Variants in MITF observed in about 807,000 individuals in gnomAD.
MITF encodes melanocyte inducing transcription factor.
Under a neutral mutation model 60.5 loss-of-function variants are expected in MITF, and 17 were observed. That is an observed-to-expected ratio of 0.28 (90% confidence interval 0.19 to 0.42). The LOEUF (loss-of-function observed/expected upper bound fraction) is 0.42. Among genes scored for constraint, MITF ranks in the 10% least tolerant of loss-of-function variants. MITF has a pLI of 1.00. For synonymous variants in MITF, 260 were observed against 248.5 expected (o/e 1.05, Z -0.43); for missense variants, 622 against 683.5 (o/e 0.91, Z 1.00).
intron 2 of MITF, among the ~76,000 whole-genome samples, chr3:69,908,944 C>T (rs1332232538): frequency 1.3e-5 from 2 of 152,126 alleles, no homozygotes; most frequent in African/African-American, 2.4e-5. Flanking sequence ...TAGAAAATAT[C>T]TTTGATGCTT....
chr3:69,844,881 A>C (rs1575807746), intron 1 of MITF, among the ~76,000 whole-genome samples: 1 of 152,228 alleles, frequency 6.6e-6, no homozygotes, highest in African/African-American at 2.4e-5. Context: ...ATCTGGTAAC[A>C]TTGAACTCTC....
At chr3:69,901,546 A>G (rs1476182372) in intron 2 of MITF, among the ~76,000 whole-genome samples, 1 of 152,056 alleles carries the variant, frequency 6.6e-6, no homozygotes, top group African/African-American at 2.4e-5. Context: ...GAGTGCACTT[A>G]GAGTGACTAG....
At chr3:69,796,616 G>C (rs6792677) in intron 1 of MITF, among the ~76,000 whole-genome samples, 73,394 of 147,468 alleles carry the variant, frequency 0.5, 19,980 homozygotes, top group Non-Finnish European at 0.63. Flanking sequence ...ACGCCATTCT[G>C]CTGCCTCAGC....
intron 1 of MITF, among the ~76,000 whole-genome samples, chr3:69,839,930 G>A (rs1315004039): frequency 6.8e-6 from 1 of 147,676 alleles, no homozygotes. Flanking sequence ...CCTGTTGCAA[G>A]GGCTGTGTGA....
chr3:69,865,987 C>T (rs2064107134), intron 1 of MITF, among the ~76,000 whole-genome samples: 1 of 152,198 alleles, frequency 6.6e-6, no homozygotes, highest in African/African-American at 2.4e-5. Context: ...CTGGGTAAGG[C>T]TAAATAAGCT....
intron 1 of MITF, among the ~76,000 whole-genome samples, chr3:69,867,993 T>C (rs2064149303): frequency 6.6e-6 from 1 of 152,222 alleles, no homozygotes; most frequent in African/African-American, 2.4e-5. Flanking sequence ...AATTAATTGT[T>C]TTGTATTTTC....
chr3:69,926,755 G>A (rs576466509), intron 2 of MITF, among the ~76,000 whole-genome samples: 5 of 152,292 alleles, frequency 3.3e-5, no homozygotes, highest in African/African-American at 1.2e-4. Flanking sequence ...CCATAAAAAT[G>A]TGTCAAATAT....
chr3:69,746,790 T>C (rs1280284965), intron 1 of MITF, among the ~76,000 whole-genome samples: 1 of 152,192 alleles, frequency 6.6e-6, no homozygotes, highest in African/African-American at 2.4e-5. Flanking sequence ...TCTGCATCTT[T>C]ATAGAGACAA....
At chr3:69,952,616 A>G (rs1016867132) in intron 7 of MITF, among the ~76,000 whole-genome samples, 1 of 152,120 alleles carries the variant, frequency 6.6e-6, no homozygotes, top group Non-Finnish European at 1.5e-5. Context: ...TTCTCCTTAT[A>G]AAAATGATAG....
intron 1 of MITF, among the ~76,000 whole-genome samples, chr3:69,838,175 A>G (rs1469359177): frequency 6.6e-6 from 1 of 152,188 alleles, no homozygotes; most frequent in Non-Finnish European, 1.5e-5. Flanking sequence ...AATAGTGGTA[A>G]TATTAATTTT....
intron 2 of MITF, among the ~76,000 whole-genome samples, chr3:69,885,614 A>G (rs1284403932): frequency 2.0e-5 from 3 of 152,158 alleles, no homozygotes; most frequent in African/African-American, 7.2e-5. Flanking sequence ...CTAAACCTCC[A>G]AAGTCCCAGT....
chr3:69,783,031 T>C (rs1241198182), intron 1 of MITF, among the ~76,000 whole-genome samples: 1 of 152,226 alleles, frequency 6.6e-6, no homozygotes, highest in East Asian at 1.9e-4. Flanking sequence ...CAGTATAATG[T>C]ACTGTAGGAT....
At chr3:69,827,187 A>T (rs558652494) in intron 1 of MITF, among the ~76,000 whole-genome samples, 1 of 152,164 alleles carries the variant, frequency 6.6e-6, no homozygotes, top group Non-Finnish European at 1.5e-5. Flanking sequence ...CTGCCAGTTG[A>T]GTTCTTTAGT....
At chr3:69,942,840 G>A (rs1318256932) in intron 5 of MITF, among the ~76,000 whole-genome samples, 1 of 151,886 alleles carries the variant, frequency 6.6e-6, no homozygotes, top group East Asian at 1.9e-4. Context: ...CAAAGACATG[G>A]GTATATTTAC....
In MITF at chr3:69,960,743, G is replaced by A. The variant is rs149129609; in HGVS notation, c.1179+1323G>A. Among the ~76,000 whole-genome samples, 79 of 152,308 alleles carry A rather than the reference G, an allele frequency of 5.2e-4. 1 individual carries two copies. In the East Asian group the frequency reaches 0.015, roughly 28 times the overall value. The stretch of plus-strand genomic sequence containing the variant: ...GCAATGAGAAGTATGACACCCTAGC[G>A]ACCATTGTGTTTCACCTAGTGGTGC... On this transcript the variant is annotated intron_variant, in intron 9 of 9. Transcript: ENST00000352241.
intron 1 of MITF, among the ~76,000 whole-genome samples, chr3:69,807,448 G>A (rs1328690822): frequency 6.6e-6 from 1 of 152,188 alleles, no homozygotes; most frequent in Non-Finnish European, 1.5e-5. Flanking sequence ...TTCGTGAACT[G>A]TGCTTAATTT....
At chr3:69,890,518 T>C (rs1182883860) in intron 2 of MITF, among the ~76,000 whole-genome samples, 2 of 152,188 alleles carry the variant, frequency 1.3e-5, no homozygotes, top group Non-Finnish European at 2.9e-5. Context: ...CATTGTTCTT[T>C]ACCATACATT....
At chr3:69,823,776 A>G (rs933347936) in intron 1 of MITF, among the ~76,000 whole-genome samples, 2 of 152,092 alleles carry the variant, frequency 1.3e-5, no homozygotes, top group Non-Finnish European at 2.9e-5. Flanking sequence ...TTTATTTTGG[A>G]TCTTTTCTGT....
intron 2 of MITF, among the ~76,000 whole-genome samples, chr3:69,923,351 T>G (rs2065511145): frequency 6.6e-6 from 1 of 152,208 alleles, no homozygotes; most frequent in Non-Finnish European, 1.5e-5. Flanking sequence ...TTGCTTTATT[T>G]TCTTTCTTTT....
Sources: gnomAD v4.1 joint callset for allele counts (sites outside exome capture counted in the v4.1 genomes callset) on GRCh38, gnomAD v4.1.1 for gene constraint, MANE v1.5 for transcripts, NCBI Gene and HGNC (gene_info 2026-07-23, HGNC 2026-07-21) for gene names.